SYNPR: variants seen among roughly 807,000 people sequenced by gnomAD.
SYNPR encodes the protein synaptoporin.
Under a neutral mutation model 32.9 loss-of-function variants are expected in SYNPR, and 23 were observed. The ratio of observed to expected loss-of-function variants is 0.70; its 90% CI spans 0.50 to 0.99. The LOEUF (loss-of-function observed/expected upper bound fraction) is 0.99. Ranked by LOEUF, SYNPR falls within the 50% of genes least tolerant of loss-of-function variation. The probability of loss-of-function intolerance (pLI) is 0.00; values close to 1 mark genes in which losing one functional copy is unlikely to be tolerated. For missense variants in SYNPR, 318 were observed against 349.3 expected (o/e 0.91, Z 0.71); for synonymous variants, 146 against 135.9 (o/e 1.07, Z -0.52).
chr3:63,446,578 A>T (rs2107168952), intron 2 of SYNPR, among the ~76,000 whole-genome samples: 1 of 152,290 alleles, frequency 6.6e-6, no homozygotes, highest in East Asian at 1.9e-4. Flanking sequence ...TTTCTCTTCA[A>T]GTGGCAGCTT....
chr3:63,483,047 G>A (rs914825928), intron 3 of SYNPR, among the ~76,000 whole-genome samples: 16 of 152,100 alleles, frequency 1.1e-4, no homozygotes, highest in African/African-American at 3.4e-4. Context: ...CTTTTTGGAG[G>A]ACAACTGGAA....
chr3:63,306,949 T>C (rs180866227), intron 2 of SYNPR, among the ~76,000 whole-genome samples: 19 of 152,072 alleles, frequency 1.2e-4, no homozygotes, highest in Middle Eastern at 3.4e-3. Context: ...AGAGAATAAC[T>C]GGAAGAAGTT....
chr3:63,486,557 C>T (rs1402116472), intron 3 of SYNPR, among the ~76,000 whole-genome samples: 4 of 152,182 alleles, frequency 2.6e-5, no homozygotes, highest in Admixed American at 2.6e-4. Flanking sequence ...GCACTCAAAT[C>T]TTGATCTCAG....
intron 4 of SYNPR, among the ~76,000 whole-genome samples, chr3:63,583,841 T>C (rs1703134988): frequency 6.6e-6 from 1 of 152,082 alleles, no homozygotes; most frequent in African/African-American, 2.4e-5. Context: ...AAAAGCTCAA[T>C]AGTTCTGACT....
At chr3:63,366,463 T>C (rs59170929) in intron 2 of SYNPR, among the ~76,000 whole-genome samples, 42,279 of 152,004 alleles carry the variant, frequency 0.28, 5,963 homozygotes, top group Middle Eastern at 0.34. Context: ...TTCTGGAGCA[T>C]AATTTCATAT....
intron 2 of SYNPR, among the ~76,000 whole-genome samples, chr3:63,465,922 T>A (rs963449345): frequency 6.6e-6 from 1 of 152,198 alleles, no homozygotes; most frequent in Admixed American, 6.6e-5. Context: ...TAACTTTATT[T>A]TAAGCTCGGG....
At chr3:63,416,995 C>T (rs2088551002) in intron 2 of SYNPR, among the ~76,000 whole-genome samples, 1 of 152,176 alleles carries the variant, frequency 6.6e-6, no homozygotes, top group African/African-American at 2.4e-5. Flanking sequence ...ACCAGTCATG[C>T]CTTCCCAACA....
chr3:63,429,591 A>T (rs1829888), intron 2 of SYNPR, among the ~76,000 whole-genome samples: 21,879 of 152,248 alleles, frequency 0.14, 1,671 homozygotes, highest in Middle Eastern at 0.17. Flanking sequence ...GACTGTAACT[A>T]TTTTAAATAG....
chr3:63,309,321 A>T (rs1320975961), intron 2 of SYNPR, among the ~76,000 whole-genome samples: 2 of 151,902 alleles, frequency 1.3e-5, no homozygotes, highest in Non-Finnish European at 2.9e-5. Flanking sequence ...CTTCTGGATC[A>T]ATTTCAATTG....
intron 2 of SYNPR, among the ~76,000 whole-genome samples, chr3:63,380,134 G>A (rs973439349): frequency 6.6e-6 from 1 of 152,144 alleles, no homozygotes; most frequent in Non-Finnish European, 1.5e-5. Flanking sequence ...TGTGAATAGT[G>A]CCTCAATAAA....
intron 4 of SYNPR, among the ~76,000 whole-genome samples, chr3:63,604,806 G>T (rs1022553146): frequency 1.3e-5 from 2 of 152,054 alleles, no homozygotes; most frequent in Admixed American, 1.3e-4. Context: ...TGTTGTAAGG[G>T]CAAATTTTGC....
chr3:63,236,576 T>TAC (rs1385026653), intron 1 of SYNPR, among the ~76,000 whole-genome samples: 2 of 152,122 alleles, frequency 1.3e-5, no homozygotes, highest in Non-Finnish European at 2.9e-5. Flanking sequence ...ATATTCAGTA[T>TAC]ACACATCCTG....
intron 2 of SYNPR, among the ~76,000 whole-genome samples, chr3:63,293,947 C>A (rs940939670): frequency 1.4e-4 from 21 of 152,212 alleles, no homozygotes; most frequent in Non-Finnish European, 7.3e-5. Context: ...ACATATGAAT[C>A]TTCGGAGTAC....
At chr3:63,303,806 CA>C (rs1408998766) in intron 2 of SYNPR, among the ~76,000 whole-genome samples, 3 of 151,892 alleles carry the variant, frequency 2.0e-5, no homozygotes, top group African/African-American at 7.2e-5. Flanking sequence ...TAGACTCTGC[CA>C]GCAATTTTTG....
In SYNPR at chr3:63,345,787, T is replaced by A. The variant is rs989098824; in HGVS notation, c.84+67045T>A. The stretch of plus-strand genomic sequence containing the variant: ...ATACCCTAAAATAACAATTTTGAAA[T>A]GTTGCTTTCGTCTAACATTGAATTT... On this transcript the variant is annotated intron_variant, in intron 2 of 5. Coordinates refer to ENST00000478300, the MANE Select transcript of SYNPR (RefSeq NM_001130003.2). Among the ~76,000 whole-genome samples the A allele has an allele frequency of 3.3e-5, 5 of 151,816 alleles. No homozygotes were observed. The East Asian group carries it at 9.7e-4, about 29-fold the overall frequency.
chr3:63,517,030 C>G (rs1488089457), intron 3 of SYNPR, among the ~76,000 whole-genome samples: 1 of 152,058 alleles, frequency 6.6e-6, no homozygotes, highest in African/African-American at 2.4e-5. Flanking sequence ...CATTCTGATT[C>G]AAAATGAACA....
chr3:63,508,600 A>C (rs972833509), intron 3 of SYNPR, among the ~76,000 whole-genome samples: 2 of 152,148 alleles, frequency 1.3e-5, no homozygotes, highest in Non-Finnish European at 2.9e-5. Context: ...TCAGAGCAGA[A>C]AGTGACTTCC....
At chr3:63,435,159 T>C (rs188922582) in intron 2 of SYNPR, among the ~76,000 whole-genome samples, 1 of 152,344 alleles carries the variant, frequency 6.6e-6, no homozygotes, top group Non-Finnish European at 1.5e-5. Context: ...TGTGGAGATT[T>C]ATAACCTGGG....
At chr3:63,247,550 A>C (rs764358922) in intron 1 of SYNPR, among the ~76,000 whole-genome samples, 14 of 152,056 alleles carry the variant, frequency 9.2e-5, no homozygotes, top group Admixed American at 7.2e-4. Flanking sequence ...TGGGCAAGGC[A>C]CTATCCCAAA....
Sources: gnomAD v4.1 joint callset for allele counts (sites outside exome capture counted in the v4.1 genomes callset) on GRCh38, gnomAD v4.1.1 for gene constraint, MANE v1.5 for transcripts, NCBI Gene and HGNC (gene_info 2026-07-23, HGNC 2026-07-21) for gene names.